GPM6A: variants seen among roughly 807,000 people sequenced by gnomAD.
GPM6A encodes glycoprotein M6A.
In GPM6A, 7 loss-of-function variants were observed where a neutral mutation model predicts 32.1. That is an observed-to-expected ratio of 0.22 (90% confidence interval 0.12 to 0.41). The LOEUF (loss-of-function observed/expected upper bound fraction) is 0.41, where lower values mean the gene tolerates loss of function less well. Ranked by LOEUF, GPM6A falls within the 10% of genes least tolerant of loss-of-function variation. GPM6A has a pLI of 1.00. For synonymous variants in GPM6A, 130 were observed against 123.4 expected (o/e 1.05, Z -0.35); for missense variants, 235 against 347.2 (o/e 0.68, Z 2.57).
intron 1 of GPM6A, among the ~76,000 whole-genome samples, chr4:175,862,359 T>A (rs914312309): frequency 6.6e-6 from 1 of 152,340 alleles, no homozygotes; most frequent in Admixed American, 6.5e-5. Context: ...GTAGACTCCC[T>A]GTTTCTGGAT....
chr4:175,920,123 T>C (rs1232287368), intron 1 of GPM6A, among the ~76,000 whole-genome samples: 2 of 152,260 alleles, frequency 1.3e-5, no homozygotes, highest in East Asian at 3.8e-4. Context: ...TGTATGTGTG[T>C]TTCTATGCTT....
At chr4:175,664,502 A>C (rs1742622663) in intron 3 of GPM6A, among the ~76,000 whole-genome samples, 1 of 152,208 alleles carries the variant, frequency 6.6e-6, no homozygotes, top group Admixed American at 6.5e-5. Context: ...AAATTGCTCT[A>C]AAAAATAAAG....
chr4:175,924,713 G>A (rs115514913), intron 1 of GPM6A, among the ~76,000 whole-genome samples: 16,338 of 151,880 alleles, frequency 0.11, 893 homozygotes, highest in South Asian at 0.25. Context: ...GGTGACCCAC[G>A]CCTGTAATTC....
At chr4:175,882,900 A>C (rs1207042392) in intron 1 of GPM6A, among the ~76,000 whole-genome samples, 1 of 152,098 alleles carries the variant, frequency 6.6e-6, no homozygotes, top group Admixed American at 6.6e-5. Flanking sequence ...TCTTGGAAAA[A>C]CTGATAGAAA....
intron 2 of GPM6A, among the ~76,000 whole-genome samples, chr4:175,686,967 C>G (rs914737719): frequency 6.6e-6 from 1 of 152,140 alleles, no homozygotes; most frequent in Non-Finnish European, 1.5e-5. Flanking sequence ...CTGCTTCTTC[C>G]TAAGCACTGA....
intron 1 of GPM6A, among the ~76,000 whole-genome samples, chr4:175,950,254 C>G (rs145321784): frequency 5.7e-4 from 87 of 152,194 alleles, no homozygotes; most frequent in African/African-American, 1.9e-3. Flanking sequence ...ACTTTATTAG[C>G]TATGGGTCTA....
At chr4:175,769,408 C>T (rs1272408422) in intron 1 of GPM6A, among the ~76,000 whole-genome samples, 2 of 152,110 alleles carry the variant, frequency 1.3e-5, no homozygotes, top group East Asian at 3.9e-4. Flanking sequence ...ACACAAAGGC[C>T]TATCTGGGTT....
At chr4:175,690,500 A>G (rs1484312401) in intron 2 of GPM6A, among the ~76,000 whole-genome samples, 2 of 152,216 alleles carry the variant, frequency 1.3e-5, no homozygotes, top group Non-Finnish European at 2.9e-5. Context: ...GCTGACATCA[A>G]GGTATTGGCA....
intron 1 of GPM6A, among the ~76,000 whole-genome samples, chr4:175,864,617 T>C (rs1056050679): frequency 6.6e-6 from 1 of 152,182 alleles, no homozygotes; most frequent in African/African-American, 2.4e-5. Context: ...AAGTGTCCTT[T>C]GAACAGCAAA....
intron 3 of GPM6A, among the ~76,000 whole-genome samples, chr4:175,670,421 T>C (rs1383217524): frequency 6.6e-6 from 1 of 152,300 alleles, no homozygotes; most frequent in African/African-American, 2.4e-5. Flanking sequence ...GGTCTCCTAA[T>C]TTGCAGCGGA....
intron 4 of GPM6A, among the ~76,000 whole-genome samples, chr4:175,649,268 A>G (rs1741644875): frequency 6.6e-6 from 1 of 152,212 alleles, no homozygotes; most frequent in South Asian, 2.1e-4. Flanking sequence ...GTCATAAGGA[A>G]TCCTATATAC....
intron 1 of GPM6A, among the ~76,000 whole-genome samples, chr4:175,825,468 G>T (rs1735404575): frequency 6.6e-6 from 1 of 152,102 alleles, no homozygotes; most frequent in Non-Finnish European, 1.5e-5. Flanking sequence ...TCGCTCCCAT[G>T]GTCTTTAGAT....
intron 1 of GPM6A, among the ~76,000 whole-genome samples, chr4:175,933,812 G>A (rs1739134919): frequency 2.0e-5 from 3 of 152,146 alleles, no homozygotes; most frequent in Admixed American, 2.0e-4. Context: ...CCAAAGTGCT[G>A]GGATTACAGG....
chr4:175,787,659 G>C (rs1205961803), intron 1 of GPM6A: 1 of 1,178,084 alleles, frequency 8.5e-7, no homozygotes, highest in African/African-American at 1.6e-5. Flanking sequence ...TTCCTAGTCA[G>C]ACAAATTTAA....
chr4:175,836,484 G>A (rs1202893296), intron 1 of GPM6A, among the ~76,000 whole-genome samples: 1 of 152,066 alleles, frequency 6.6e-6, no homozygotes, highest in Non-Finnish European at 1.5e-5. Flanking sequence ...ATACATAGTG[G>A]TATGTTCTGA....
intron 1 of GPM6A, among the ~76,000 whole-genome samples, chr4:175,961,507 T>G (rs1740162172): frequency 6.6e-6 from 1 of 152,164 alleles, no homozygotes; most frequent in Non-Finnish European, 1.5e-5. Flanking sequence ...CTGGAACTAG[T>G]ACTGGGATTG....
intron 4 of GPM6A, among the ~76,000 whole-genome samples, chr4:175,643,354 G>A (rs1430211345): frequency 3.3e-5 from 5 of 152,106 alleles, no homozygotes; most frequent in African/African-American, 1.2e-4. Flanking sequence ...TCATCAAGAT[G>A]GTACATCGTG....
chr4:175,949,664 C>T (rs894103628), intron 1 of GPM6A, among the ~76,000 whole-genome samples: 1 of 152,148 alleles, frequency 6.6e-6, no homozygotes, highest in African/African-American at 2.4e-5. Flanking sequence ...AAGATTCCTT[C>T]AAATCAGTAA....
At chr4:175,677,021 A>T (rs368579249) in intron 2 of GPM6A, among the ~76,000 whole-genome samples, 1 of 152,206 alleles carries the variant, frequency 6.6e-6, no homozygotes, top group East Asian at 1.9e-4. Flanking sequence ...AAATTTCAGC[A>T]TACCAGTACC....
Sources: gnomAD v4.1 joint callset for allele counts (sites outside exome capture counted in the v4.1 genomes callset) on GRCh38, gnomAD v4.1.1 for gene constraint, MANE v1.5 for transcripts, NCBI Gene and HGNC (gene_info 2026-07-23, HGNC 2026-07-21) for gene names.